Variants in SLC35F1 observed in about 807,000 individuals in gnomAD.
The protein encoded by SLC35F1 is chromosome 6 open reading frame 169.
A neutral mutation model predicts 48.7 loss-of-function variants in SLC35F1; 14 were observed. That is an observed-to-expected ratio of 0.29 (90% CI 0.19 to 0.45). SLC35F1 has a LOEUF of 0.45. Ranked by LOEUF, SLC35F1 falls within the 20% of genes least tolerant of loss-of-function variation. SLC35F1 has a pLI of 1.00. For synonymous variants in SLC35F1, 190 were observed against 202.2 expected (o/e 0.94, Z 0.51); for missense variants, 404 against 500.0 (o/e 0.81, Z 1.83).
chr6:118,053,036 C>A (rs942328640), intron 1 of SLC35F1, among the ~76,000 whole-genome samples: 1 of 149,912 alleles, frequency 6.7e-6, no homozygotes, highest in Non-Finnish European at 1.5e-5. Context: ...GTTGATCAGG[C>A]AATGTAAAGG....
chr6:118,068,805 G>C (rs1358730548), intron 1 of SLC35F1, among the ~76,000 whole-genome samples: 1 of 152,166 alleles, frequency 6.6e-6, no homozygotes, highest in Non-Finnish European at 1.5e-5. Flanking sequence ...GTTGATTGCA[G>C]ACATCACTTT....
chr6:118,054,396 T>G (rs558631448), intron 1 of SLC35F1, among the ~76,000 whole-genome samples: 1 of 152,310 alleles, frequency 6.6e-6, no homozygotes, highest in African/African-American at 2.4e-5. Context: ...TATATCATAA[T>G]GCAATTTCAG....
At chr6:118,294,736 G>A (rs1184622953) in intron 7 of SLC35F1, among the ~76,000 whole-genome samples, 1 of 151,922 alleles carries the variant, frequency 6.6e-6, no homozygotes, top group African/African-American at 2.4e-5. Flanking sequence ...AGACCATCCT[G>A]TTTGAAGAAT....
chr6:118,173,373 G>A (rs1234995576), intron 2 of SLC35F1, among the ~76,000 whole-genome samples: 4 of 139,390 alleles, frequency 2.9e-5, no homozygotes, highest in Admixed American at 1.4e-4. Flanking sequence ...ATCCATCATA[G>A]AAAGAGTTAG....
chr6:117,959,213 G>A (rs986632494), intron 1 of SLC35F1, among the ~76,000 whole-genome samples: 10 of 152,136 alleles, frequency 6.6e-5, no homozygotes, highest in Admixed American at 5.9e-4. Context: ...AACACTACAC[G>A]AGTGTCCATT....
intron 1 of SLC35F1, among the ~76,000 whole-genome samples, chr6:118,089,868 C>G (rs1394280122): frequency 2.6e-5 from 4 of 152,238 alleles, no homozygotes; most frequent in African/African-American, 7.2e-5. Flanking sequence ...CTTCCATAAG[C>G]CAATTTCATG....
At chr6:118,070,721 G>A (rs1288281991) in intron 1 of SLC35F1, among the ~76,000 whole-genome samples, 1 of 149,890 alleles carries the variant, frequency 6.7e-6, no homozygotes, top group Non-Finnish European at 1.5e-5. Flanking sequence ...ATCATCTACA[G>A]TACTAACTTC....
intron 1 of SLC35F1, among the ~76,000 whole-genome samples, chr6:118,048,768 C>T (rs1295895830): frequency 6.6e-6 from 1 of 152,126 alleles, no homozygotes; most frequent in Non-Finnish European, 1.5e-5. Context: ...GAATCAATAT[C>T]GTGAAAATGG....
intron 1 of SLC35F1, among the ~76,000 whole-genome samples, chr6:117,990,505 AG>A (rs1776904333): frequency 6.6e-6 from 1 of 152,242 alleles, no homozygotes; most frequent in African/African-American, 2.4e-5. Flanking sequence ...AAGAAGAAAT[AG>A]GACATTCTGT....
intron 1 of SLC35F1, among the ~76,000 whole-genome samples, chr6:118,121,469 A>C (rs1773552225): frequency 6.6e-6 from 1 of 152,180 alleles, no homozygotes; most frequent in African/African-American, 2.4e-5. Context: ...TCACGCCCCT[A>C]GTAAATTGCA....
At chr6:117,937,207 G>A (rs1233142906) in intron 1 of SLC35F1, among the ~76,000 whole-genome samples, 5 of 152,128 alleles carry the variant, frequency 3.3e-5, no homozygotes, top group African/African-American at 1.2e-4. Context: ...TCTTCAGTCT[G>A]CCACACTCTT....
At chr6:118,289,097 A>T (rs1219608132) in intron 7 of SLC35F1, among the ~76,000 whole-genome samples, 1 of 152,166 alleles carries the variant, frequency 6.6e-6, no homozygotes, top group East Asian at 1.9e-4. Flanking sequence ...GGAATTACAC[A>T]ATGTGTTACC....
chr6:118,071,717 A>C (rs1421535151), intron 1 of SLC35F1, among the ~76,000 whole-genome samples: 1 of 152,190 alleles, frequency 6.6e-6, no homozygotes, highest in Non-Finnish European at 1.5e-5. Flanking sequence ...TATGGTAAGA[A>C]TCATTGTTCC....
chr6:117,989,731 T>G (rs1776892710), intron 1 of SLC35F1, among the ~76,000 whole-genome samples: 1 of 152,168 alleles, frequency 6.6e-6, no homozygotes, highest in African/African-American at 2.4e-5. Context: ...GGATATAAAT[T>G]TATAGTTATA....
chr6:118,234,939 C>G (rs1014357416), intron 2 of SLC35F1, among the ~76,000 whole-genome samples: 1 of 152,162 alleles, frequency 6.6e-6, no homozygotes, highest in Non-Finnish European at 1.5e-5. Context: ...AAAGTGTTGT[C>G]AAATGGCACT....
At chr6:117,914,241 A>G (rs1562235689) in intron 1 of SLC35F1, among the ~76,000 whole-genome samples, 1 of 151,354 alleles carries the variant, frequency 6.6e-6, no homozygotes. Flanking sequence ...AATATTTACT[A>G]TGTGACTCTC....
intron 1 of SLC35F1, among the ~76,000 whole-genome samples, chr6:118,109,029 A>G (rs1195658301): frequency 6.6e-6 from 1 of 152,188 alleles, no homozygotes; most frequent in African/African-American, 2.4e-5. Context: ...GCTAATGATG[A>G]AGAGTTTAGG....
chr6:118,235,392 A>G lies in SLC35F1; in HGVS notation c.350-117A>G, dbSNP rs936877176. The G allele has an allele frequency of 1.1e-5, 11 of 983,972 alleles. No homozygotes were observed. The African/African-American group carries it at 1.6e-4, about 15-fold the overall frequency. 61.0% of individuals were successfully genotyped at this position (983,972 alleles called of 1,614,324 possible). ...GATACGTTGATTTATTTGTTTAAAT[A>G]TTTGGTAAACTTTAGGTTAAAAATA... On this transcript the variant is annotated intron_variant, in intron 2 of 7. Transcript: ENST00000360388.
chr6:118,184,529 T>A (rs895704978), intron 2 of SLC35F1, among the ~76,000 whole-genome samples: 2 of 152,090 alleles, frequency 1.3e-5, no homozygotes, highest in African/African-American at 4.8e-5. Flanking sequence ...AGGACAAGAG[T>A]ATTCTGCACC....
Sources: allele counts gnomAD v4.1 joint callset (sites outside exome capture counted in the v4.1 genomes callset), GRCh38; gene constraint gnomAD v4.1.1; transcripts MANE v1.5; gene names NCBI Gene and HGNC (gene_info 2026-07-23, HGNC 2026-07-21).